The following TACC1 variants were observed in gnomAD, a reference collection of about 807,000 sequenced individuals.
TACC1 encodes transforming acidic coiled-coil-containing protein 1.
TACC1 carries 48 observed loss-of-function variants against 84.4 expected under a neutral mutation model. The observed-to-expected ratio is 0.57, with a 90% CI of 0.45 to 0.72. TACC1 has a LOEUF of 0.72. Among genes scored for constraint, TACC1 ranks in the 30% least tolerant of loss-of-function variants. The pLI, the probability that TACC1 is intolerant of heterozygous loss-of-function variation, is 0.00. For synonymous variants in TACC1, 372 were observed against 376.3 expected, an observed-to-expected ratio of 0.99 and a Z score of 0.13; for missense variants, 920 against 973.0, an observed-to-expected ratio of 0.95 and a Z score of 0.72.
At chr8:38,729,976 C>A (rs1019817160) in intron 1 of TACC1, among the ~76,000 whole-genome samples, 5 of 152,176 alleles carry the variant, frequency 3.3e-5, no homozygotes, top group African/African-American at 1.2e-4. Flanking sequence ...CCTGGGGGCA[C>A]CAGGGACCTC....
chr8:38,822,279 G>C (rs1827049397), intron 3 of TACC1, among the ~76,000 whole-genome samples: 2 of 147,894 alleles, frequency 1.4e-5, no homozygotes, highest in South Asian at 4.2e-4. Flanking sequence ...ACTATAGGCA[G>C]TGTAACACAA....
intron 1 of TACC1, among the ~76,000 whole-genome samples, chr8:38,738,526 G>A (rs1806426131): frequency 6.6e-6 from 1 of 152,232 alleles, no homozygotes; most frequent in Admixed American, 6.5e-5. Flanking sequence ...ACTTTGAGTT[G>A]TAATCAAATA....
At chr8:38,811,824 C>T (rs897528293) in intron 2 of TACC1, among the ~76,000 whole-genome samples, 5 of 152,334 alleles carry the variant, frequency 3.3e-5, no homozygotes, top group African/African-American at 1.2e-4. Flanking sequence ...TAAGGTCTGA[C>T]TGCCTGTGGG....
At chr8:38,837,105 CTT>C (rs11414868) in intron 7 of TACC1, among the ~76,000 whole-genome samples, 98 of 120,872 alleles carry the variant, frequency 8.1e-4, no homozygotes, top group Non-Finnish European at 5.0e-4. Flanking sequence ...CCACCAAAAT[CTT>C]TTTTTTTTTT....
chr8:38,851,449 G>A lies in TACC1; in HGVS notation c.*3426G>A, dbSNP rs1204958123. On this transcript the variant is annotated 3_prime_UTR_variant, in exon 13 of 13. Coordinates refer to ENST00000317827, the MANE Select transcript of TACC1 (RefSeq NM_006283.3). The stretch of plus-strand genomic sequence containing the variant: ...ACTCATTTTCCATAAAGGTAACAAA[G>A]GGCAGCTCAGTGGTTACTCAAGCTC... 2 of 155,048 alleles carry A rather than the reference G, an allele frequency of 1.3e-5. No individual in the cohort carries two copies. Among genetic ancestry groups the A allele is most frequent in the Non-Finnish European group, 2.9e-5 (2 of 69,806 alleles). The allele number at this position is 155,048 out of a possible 1,614,324, so 9.6% of individuals were successfully genotyped here. A position where few individuals can be genotyped will look rare whatever the true frequency, so the allele number is the denominator to read the frequency against.
chr8:38,817,666 A>G (rs1435456467), intron 2 of TACC1, among the ~76,000 whole-genome samples: 1 of 152,154 alleles, frequency 6.6e-6, no homozygotes, highest in Non-Finnish European at 1.5e-5. Context: ...CATATATTTA[A>G]AAGAAAAATT....
In TACC1 at chr8:38,847,850, A is replaced by G. The variant is rs1294126657; in HGVS notation, c.2350-105A>G. ...TAGAAAAGTTAAAAATCACTGAATT[A>G]GGATGTCTAGGGTAGGGTAGATCCA... On this transcript the variant is annotated intron_variant, in intron 12 of 12. Coordinates refer to ENST00000317827, the MANE Select transcript of TACC1 (RefSeq NM_006283.3). 2.0e-5 allele frequency: 17 copies of G among 847,964 alleles called. No individual in the cohort carries two copies. In the East Asian group the frequency reaches 3.6e-4, roughly 18 times the overall value. The allele number at this position is 847,964 out of a possible 1,614,324, so 52.5% of individuals were successfully genotyped here.
intron 3 of TACC1, among the ~76,000 whole-genome samples, chr8:38,759,660 C>G (rs1213086716): frequency 6.6e-6 from 1 of 152,226 alleles, no homozygotes; most frequent in African/African-American, 2.4e-5. Flanking sequence ...TCCCTCCCTA[C>G]TCAAGTGAAT....
chr8:38,731,494 A>G lies in TACC1; in HGVS notation c.-675+2823A>G, dbSNP rs574485914. The stretch of plus-strand genomic sequence containing the variant: ...GCATCTGGCATATGATAAACACTCA[A>G]TAAATATGTTATGTGTAAAAGAGGT... On this transcript the variant is annotated intron_variant, in intron 1 of 14. Coordinates refer to the TACC1 transcript ENST00000518415. 7.9e-5 allele frequency among the ~76,000 whole-genome samples: 12 copies of G among 152,370 alleles called. No homozygotes were observed. The South Asian group carries it at 2.5e-3, about 32-fold the overall frequency.
rs970343368 is a variant in TACC1 at position 38,849,796 on chromosome 8, C to T, written c.*1773C>T. 1 of 152,562 alleles carries T rather than the reference C, an allele frequency of 6.6e-6. No individual in the cohort carries two copies. Among genetic ancestry groups the T allele is most frequent in the Non-Finnish European group, 1.5e-5 (1 of 68,024 alleles). The allele number at this position is 152,562 out of a possible 1,614,324, so 9.5% of individuals were successfully genotyped here. On this transcript the variant is annotated 3_prime_UTR_variant, in exon 13 of 13. Coordinates refer to ENST00000317827, the MANE Select transcript of TACC1 (RefSeq NM_006283.3). ...AAATTATCTGTCATTTGAGAAGTGG[C>T]TTGACAATCATTTGAGCTTTGAAAG...
chr8:38,728,836 C>G (rs1347503644), intron 1 of TACC1: 2 of 152,348 alleles, frequency 1.3e-5, no homozygotes, highest in African/African-American at 4.8e-5. Context: ...CATTCCTTTT[C>G]CCTCTCTCTT....
At chr8:38,770,318 A>C (rs115669144) in intron 3 of TACC1, among the ~76,000 whole-genome samples, 2,657 of 152,014 alleles carry the variant, frequency 0.017, 64 homozygotes, top group African/African-American at 0.06. Flanking sequence ...ACCTCTCCCT[A>C]GGGGCTGTAG....
intron 3 of TACC1, among the ~76,000 whole-genome samples, chr8:38,777,268 A>AG (rs1172537492): frequency 2.7e-5 from 4 of 147,214 alleles, no homozygotes; most frequent in Non-Finnish European, 6.1e-5. Flanking sequence ...AAAAAAAAAA[A>AG]AAAGAGAAGA....
At chr8:38,783,102 C>CTA (rs779724480), upstream of TACC1, among the ~76,000 whole-genome samples, 109 of 97,216 alleles carry the variant, frequency 1.1e-3, no homozygotes, top group East Asian at 3.2e-3. Flanking sequence ...ATCTATCTAT[C>CTA]TATCTATATA....
chr8:38,762,253 C>A (rs1294360213), intron 3 of TACC1, among the ~76,000 whole-genome samples: 10 of 152,198 alleles, frequency 6.6e-5, no homozygotes, highest in African/African-American at 1.9e-4. Context: ...AACAGAAATT[C>A]TGTACCCATT....
At chr8:38,751,285 G>A (rs1038081328) in intron 3 of TACC1, among the ~76,000 whole-genome samples, 1 of 152,170 alleles carries the variant, frequency 6.6e-6, no homozygotes, top group East Asian at 1.9e-4. Context: ...CTCTAAAACT[G>A]AGTATCTTCA....
chr8:38,739,977 T>C lies in TACC1; in HGVS notation c.-674-2374T>C, dbSNP rs373061816. 2.0e-4 allele frequency among the ~76,000 whole-genome samples: 31 copies of C among 152,222 alleles called. 1 individual carries two copies. The highest frequency in any genetic ancestry group is 9.8e-4 in the Admixed American group (15 of 15,282). On this transcript the variant is annotated intron_variant, in intron 1 of 14. Transcript: ENST00000518415. ...CCTACTGCCTTGCTCAGCCATTGTTTGGGGCTGCCAGAGAAGACTGATTTC... is the reference window on the plus strand; with the variant it reads ...CCTACTGCCTTGCTCAGCCATTGTTCGGGGCTGCCAGAGAAGACTGATTTC...
At chr8:38,747,004 T>G (rs1808209294) in intron 3 of TACC1, among the ~76,000 whole-genome samples, 1 of 152,146 alleles carries the variant, frequency 6.6e-6, no homozygotes, top group African/African-American at 2.4e-5. Context: ...AACACTCCAA[T>G]TAAAAGACAG....
At chr8:38,816,706 G>C (rs1347013720) in intron 2 of TACC1, among the ~76,000 whole-genome samples, 1 of 152,182 alleles carries the variant, frequency 6.6e-6, no homozygotes, top group South Asian at 2.1e-4. Flanking sequence ...ACCTGCAGGG[G>C]TGCAGAGCTT....
Sources: allele counts gnomAD v4.1 joint callset (sites outside exome capture counted in the v4.1 genomes callset), GRCh38; gene constraint gnomAD v4.1.1; transcripts MANE v1.5; gene names NCBI Gene and HGNC (gene_info 2026-07-23, HGNC 2026-07-21).